SUMF1: variants seen among roughly 807,000 people sequenced by gnomAD.
SUMF1 encodes sulfatase modifying factor 1.
Under a neutral mutation model 47.6 loss-of-function variants are expected in SUMF1, and 48 were observed. The observed-to-expected ratio is 1.01, with a 90% CI of 0.80 to 1.28. SUMF1 has a LOEUF of 1.28. SUMF1 is among the 50% of genes most tolerant of loss of function. The pLI is 0.00. For missense variants in SUMF1, 571 were observed against 485.4 expected (o/e 1.18, Z -1.66); for synonymous variants, 230 against 192.1 (o/e 1.20, Z -1.63).
chr3:4,043,382 T>C (rs1345154863), intron 9 of SUMF1, among the ~76,000 whole-genome samples: 2 of 152,208 alleles, frequency 1.3e-5, no homozygotes, highest in Non-Finnish European at 2.9e-5. Context: ...CAGTTGAGCA[T>C]GTCTTCTATT....
chr3:4,293,190 G>T (rs1419933654), intron 8 of SUMF1, among the ~76,000 whole-genome samples: 1 of 152,042 alleles, frequency 6.6e-6, no homozygotes, highest in Non-Finnish European at 1.5e-5. Context: ...CAACCACATA[G>T]TGCAGTTATA....
chr3:4,187,987 T>C (rs1041662257), intron 8 of SUMF1, among the ~76,000 whole-genome samples: 1 of 152,156 alleles, frequency 6.6e-6, no homozygotes. Flanking sequence ...AGACTTTATT[T>C]TTTTAGAGCA....
chr3:4,056,639 A>G (rs1425575121), intron 9 of SUMF1, among the ~76,000 whole-genome samples: 1 of 152,172 alleles, frequency 6.6e-6, no homozygotes, highest in Non-Finnish European at 1.5e-5. Context: ...AGTGTGGGTG[A>G]CAGAGTGAGA....
At chr3:4,392,121 C>T (rs1315204652) in intron 7 of SUMF1, among the ~76,000 whole-genome samples, 1 of 152,152 alleles carries the variant, frequency 6.6e-6, no homozygotes, top group Non-Finnish European at 1.5e-5. Context: ...AGCCACTGCA[C>T]CTGTCCTGGA....
intron 8 of SUMF1, among the ~76,000 whole-genome samples, chr3:4,273,733 GGGAGGATACGGGA>G (rs1447497891): frequency 1.0e-3 from 46 of 45,338 alleles, no homozygotes; most frequent in African/African-American, 4.3e-3. Context: ...GGATACGGGA[GGGAGGATACGGGA>G]GGGAGGATAC....
chr3:4,069,744 T>C (rs972300568), intron 8 of SUMF1, among the ~76,000 whole-genome samples: 5 of 152,142 alleles, frequency 3.3e-5, no homozygotes, highest in Non-Finnish European at 7.4e-5. Context: ...TTATTCTATA[T>C]ATCATGACTT....
chr3:4,418,030 ACAGCTGTATTCC>A lies in SUMF1; in HGVS notation c.693_704del (p.Trp231_Ser234del). ...AATACCTATTATGCAGGCCTCCTCG[ACAGCTGTATTCC>A]CACTCAGCTTCCGTGGGCAGCCGCT... On this transcript the variant is annotated inframe_deletion, in exon 5 of 9. Transcript: ENST00000272902. 1 of 1,614,012 alleles carries A rather than the reference ACAGCTGTATTCC, an allele frequency of 6.2e-7. No homozygotes were observed. Among genetic ancestry groups the A allele is most frequent in the Non-Finnish European group, 8.5e-7 (1 of 1,180,036 alleles).
Position 4,361,148 on chromosome 3 carries a change from T to C in SUMF1, c.*996A>G, listed in dbSNP as rs1345406286. 1.3e-5 allele frequency: 2 copies of C among 152,322 alleles called. No individual in the cohort carries two copies. The highest frequency in any genetic ancestry group is 2.9e-5 in the Non-Finnish European group (2 of 68,028). 9.4% of individuals were successfully genotyped at this position (152,322 alleles called of 1,614,324 possible). A position where few individuals can be genotyped will look rare whatever the true frequency, so the allele number is the denominator to read the frequency against. On this transcript the variant is annotated 3_prime_UTR_variant, in exon 9 of 9. Coordinates refer to ENST00000272902, the MANE Select transcript of SUMF1 (RefSeq NM_182760.4). The stretch of plus-strand genomic sequence containing the variant: ...AAAAGAAGCTGATGACGGTGAAGCC[T>C]GATTTAGCAGATACGTTTATTCAAC...
chr3:4,134,121 A>AGTTCTG (rs1693861890), intron 8 of SUMF1, among the ~76,000 whole-genome samples: 1 of 152,160 alleles, frequency 6.6e-6, no homozygotes, highest in South Asian at 2.1e-4. Flanking sequence ...CGCAGACCTA[A>AGTTCTG]TAGACATCTA....
chr3:4,358,032 A>G (rs1451725848), downstream of SUMF1, among the ~76,000 whole-genome samples: 1 of 152,132 alleles, frequency 6.6e-6, no homozygotes, highest in East Asian at 1.9e-4. Flanking sequence ...AAATGCCCAT[A>G]TTGACACAGA....
intron 8 of SUMF1, among the ~76,000 whole-genome samples, chr3:4,291,535 A>G (rs1697743699): frequency 1.3e-5 from 2 of 152,208 alleles, no homozygotes; most frequent in South Asian, 2.1e-4. Context: ...TGAATAATAG[A>G]TAACTTGGTT....
At chr3:4,186,623 T>C (rs1363517665) in intron 8 of SUMF1, among the ~76,000 whole-genome samples, 2 of 152,148 alleles carry the variant, frequency 1.3e-5, no homozygotes, top group East Asian at 3.9e-4. Flanking sequence ...AAAAATAAAA[T>C]TGTCCCTATG....
At position 4,104,414 on chromosome 3, in the gene SUMF1, A is replaced by T. The variant is rs111291356; in HGVS notation, c.1015-35669T>A. Among the ~76,000 whole-genome samples the T allele has an allele frequency of 6.6e-3, 1,008 of 152,158 alleles. 22 individuals carry two copies. Among genetic ancestry groups the T allele is most frequent in the African/African-American group, 0.023 (953 of 41,464 alleles). On this transcript the variant is annotated intron_variant and NMD_transcript_variant, in intron 8 of 12. Transcript: ENST00000448413. Reference sequence around the variant, plus strand: ...ACCAGCAGCATGAAAACAGACTAATACAGCCCTTCAGATCCACTCCCCACT... The same window carrying T: ...ACCAGCAGCATGAAAACAGACTAATTCAGCCCTTCAGATCCACTCCCCACT...
chr3:4,174,205 A>T (rs1165153065), intron 8 of SUMF1, among the ~76,000 whole-genome samples: 1 of 151,566 alleles, frequency 6.6e-6, no homozygotes, highest in Non-Finnish European at 1.5e-5. Context: ...AAATACAAAA[A>T]ATTAGCCAGG....
chr3:4,066,425 G>T (rs1221603510), intron 9 of SUMF1, among the ~76,000 whole-genome samples: 1 of 152,018 alleles, frequency 6.6e-6, no homozygotes, highest in African/African-American at 2.4e-5. Flanking sequence ...GATGTTTATG[G>T]TTCTTGAATA....
intron 8 of SUMF1, among the ~76,000 whole-genome samples, chr3:4,352,925 A>C (rs1167982560): frequency 2.0e-5 from 3 of 152,254 alleles, no homozygotes; most frequent in South Asian, 4.1e-4. Context: ...CGTCCTTAGA[A>C]GAGATGGAGA....
At chr3:4,171,438 G>C (rs762560596) in intron 8 of SUMF1, among the ~76,000 whole-genome samples, 1 of 152,056 alleles carries the variant, frequency 6.6e-6, no homozygotes, top group African/African-American at 2.4e-5. Context: ...TGTTTACATG[G>C]GCCAAAGAAA....
chr3:4,075,081 A>G (rs1692390509), intron 8 of SUMF1, among the ~76,000 whole-genome samples: 1 of 152,184 alleles, frequency 6.6e-6, no homozygotes, highest in African/African-American at 2.4e-5. Context: ...ATGAACATCA[A>G]TGTGAAAATC....
chr3:4,114,781 C>T (rs1202832006), intron 8 of SUMF1, among the ~76,000 whole-genome samples: 1 of 152,160 alleles, frequency 6.6e-6, no homozygotes, highest in Non-Finnish European at 1.5e-5. Flanking sequence ...GTGCATTAGA[C>T]ACACCCATTT....
Sources: gnomAD v4.1 joint callset for allele counts (sites outside exome capture counted in the v4.1 genomes callset) on GRCh38, gnomAD v4.1.1 for gene constraint, MANE v1.5 for transcripts, NCBI Gene and HGNC (gene_info 2026-07-23, HGNC 2026-07-21) for gene names.